Variants in PLEKHG3 observed in about 807,000 individuals in gnomAD.
PLEKHG3 encodes the protein pleckstrin homology and RhoGEF domain containing G3.
Under a neutral mutation model 94.9 loss-of-function variants are expected in PLEKHG3, and 62 were observed. That is an observed-to-expected ratio of 0.65 (90% confidence interval 0.53 to 0.81). The LOEUF (loss-of-function observed/expected upper bound fraction) is 0.81. Among genes scored for constraint, PLEKHG3 ranks in the 30% least tolerant of loss-of-function variants. The probability of loss-of-function intolerance (pLI) is 0.00; values close to 1 mark genes in which losing one functional copy is unlikely to be tolerated. For synonymous variants in PLEKHG3, 614 were observed against 654.0 expected, an observed-to-expected ratio of 0.94 and a Z score of 0.93; for missense variants, 1,461 against 1,619.3, an observed-to-expected ratio of 0.90 and a Z score of 1.68.
intron 13 of PLEKHG3, chr14:64,737,154 C>T: frequency 1.5e-6 from 1 of 646,864 alleles, no homozygotes. Flanking sequence ...ACCTGCGCTG[C>T]TCTGTGGCCC....
rs551418674 is a variant in PLEKHG3, at chr14:64,739,784, G to A, written c.1518+929G>A. ...AAGGAAGCTCCCTTGATCCTCATTT[G>A]TAAGGGATCTGACCCCACTCATGAG... On this transcript the variant is annotated intron_variant, in intron 15 of 16. Coordinates refer to ENST00000247226, the MANE Select transcript of PLEKHG3 (RefSeq NM_001308147.2). The surrounding 1 kb of genome is among the most constrained non-coding windows in gnomAD (Gnocchi z 4.1). Among the ~76,000 whole-genome samples, 1 of 152,286 alleles carries A rather than the reference G, an allele frequency of 6.6e-6. No homozygotes were observed. Among genetic ancestry groups the A allele is most frequent in the Non-Finnish European group, 1.5e-5 (1 of 68,018 alleles).
At position 64,741,132 on chromosome 14, in the gene PLEKHG3, G is replaced by A. The variant is rs375642666; in HGVS notation, c.1615G>A (p.Glu539Lys). 1.5e-5 allele frequency: 24 copies of A among 1,613,978 alleles called. No homozygotes were observed. In the African/African-American group the frequency reaches 3.1e-4, roughly 21 times the overall value. Residue 539 changes from glutamate (E) to lysine (K), a missense_variant, in exon 16 of 17, where the codon GAA (glutamate) becomes AAA (lysine). Around this residue, in one of 3 missense-constraint regions of PLEKHG3, gnomAD observed 1,201 missense variants for 1,295.5 expected, o/e 0.93. Coordinates refer to ENST00000247226, the MANE Select transcript of PLEKHG3 (RefSeq NM_001308147.2). ...GACGCCTTCAGACACAGAATCTCCA[G>A]AAGTCCTGGAGACACAGCTTGATGC... ...EETPSDTESPEVLETQLDAHQ... is the reference protein window; with the variant it reads ...EETPSDTESPKVLETQLDAHQ...
rs914797609 is a variant in PLEKHG3 at position 64,746,992 on chromosome 14, T to C, written c.*3289T>C. The C allele has an allele frequency of 3.3e-5, 5 of 152,490 alleles. No homozygotes were observed. Among genetic ancestry groups the C allele is most frequent in the Non-Finnish European group, 7.3e-5 (5 of 68,094 alleles). The allele number at this position is 152,490 out of a possible 1,614,324, so 9.4% of individuals were successfully genotyped here. A position where few individuals can be genotyped will look rare whatever the true frequency, so the allele number is the denominator to read the frequency against. On this transcript the variant is annotated 3_prime_UTR_variant, in exon 17 of 17. Transcript: ENST00000247226. This position sits in a 1 kb window ranked among gnomAD's most constrained non-coding sequence, Gnocchi z 4.9. ...CTGGATGCCTGCATTTTCAGTCTAG[T>C]TGGTCGAATGTCTTGGAGCCTGGGT... is the stretch of plus-strand genomic sequence containing the variant.
In PLEKHG3 at chr14:64,729,025, C is replaced by T. The variant is rs1022020541; in HGVS notation, c.381C>T (p.Pro127=). ...EDYLLKIIDT[P]GLLKPEQVSA... is the part of the protein sequence containing the mutation. ...ACCTCTTGAAGATCATTGACACACC[C>T]GGGCTGCTGAAGCCAGAACAGGTCA... Residue 127 remains proline, a synonymous_variant, in exon 3 of 17, where the codon CCC becomes CCT. Coordinates refer to ENST00000247226, the MANE Select transcript of PLEKHG3 (RefSeq NM_001308147.2). 9.8e-6 allele frequency: 15 copies of T among 1,523,782 alleles called. No individual in the cohort carries two copies. Among genetic ancestry groups the T allele is most frequent in the Admixed American group, 9.8e-5 (5 of 50,878 alleles). 94.4% of individuals were successfully genotyped at this position (1,523,782 alleles called of 1,614,324 possible).
chr14:64,704,550 G>C lies in PLEKHG3; in HGVS notation c.-194G>C, dbSNP rs1325747264. 6.5e-6 allele frequency: 1 copy of C among 153,330 alleles called. No homozygotes were observed. Among genetic ancestry groups the C allele is most frequent in the African/African-American group, 2.4e-5 (1 of 41,466 alleles). 9.5% of individuals were successfully genotyped at this position (153,330 alleles called of 1,614,324 possible). On this transcript the variant is annotated 5_prime_UTR_variant, in exon 1 of 17. Transcript: ENST00000247226. This position sits in a 1 kb window ranked among gnomAD's most constrained non-coding sequence, Gnocchi z 5.6. ...GGGGGCCGCGCTTGCAGCTGGCCGA[G>C]TCCGGGCCAGCTGAGGGGCTGGCGG...
At chr14:64,719,075 G>T (rs1233823710) in intron 1 of PLEKHG3, among the ~76,000 whole-genome samples, 3 of 152,150 alleles carry the variant, frequency 2.0e-5, no homozygotes, top group Admixed American at 2.0e-4. Context: ...CTCCTGTTGG[G>T]TATGGGTGTC....
intron 1 of PLEKHG3, among the ~76,000 whole-genome samples, chr14:64,709,908 A>G (rs2081041278): frequency 6.6e-6 from 1 of 152,222 alleles, no homozygotes; most frequent in African/African-American, 2.4e-5. Flanking sequence ...ACGAGACCTT[A>G]GGAATTAAGG....
chr14:64,709,964 T>A (rs2081042001), intron 1 of PLEKHG3, among the ~76,000 whole-genome samples: 1 of 152,120 alleles, frequency 6.6e-6, no homozygotes. Context: ...AGAATGTCCA[T>A]AAGATTCTAA....
rs2081327085 is a variant in PLEKHG3, at chr14:64,725,076, GAC to G, written c.-39-2515_-39-2514del. Among the ~76,000 whole-genome samples the G allele has an allele frequency of 1.3e-5, 2 of 152,178 alleles. No individual in the cohort carries two copies. The highest frequency in any genetic ancestry group is 6.5e-5 in the Admixed American group (1 of 15,284). On this transcript the variant is annotated intron_variant, in intron 1 of 16. Coordinates refer to ENST00000247226, the MANE Select transcript of PLEKHG3 (RefSeq NM_001308147.2). This position sits in a 1 kb window ranked among gnomAD's most constrained non-coding sequence, Gnocchi z 5.0. Reference sequence around the variant, plus strand: ...AGAGAAAACTTCTGTAAGTAGAAAAGACATATTAGTTTCTGGGTTTGAAGTGT... The same window carrying G: ...AGAGAAAACTTCTGTAAGTAGAAAAGATATTAGTTTCTGGGTTTGAAGTGT...
Position 64,717,112 on chromosome 14 carries a change from CGTGTGTGTGTGTGTGTGT to C in PLEKHG3, c.-39-10461_-39-10444del, listed in dbSNP as rs3063751. 1.5e-4 allele frequency among the ~76,000 whole-genome samples: 21 copies of C among 144,372 alleles called. No individual in the cohort carries two copies. Among genetic ancestry groups the C allele is most frequent in the African/African-American group, 3.1e-4 (12 of 38,728 alleles). The allele number at this position is 144,372 out of a possible 152,430, so 94.7% of individuals were successfully genotyped here. On this transcript the variant is annotated intron_variant, in intron 1 of 16. Transcript: ENST00000247226. The surrounding 1 kb of genome is among the most constrained non-coding windows in gnomAD (Gnocchi z 4.7). ...GGCTGGCCGCCTTTGGGAATTTACA[CGTGTGTGTGTGTGTGTGT>C]GTGTGTGTGTGTGTGTGTGAGTCCA... is the stretch of plus-strand genomic sequence containing the variant.
chr14:64,732,092 C>A lies in PLEKHG3; in HGVS notation c.1126-3C>A. On this transcript the variant is annotated splice_polypyrimidine_tract_variant and splice_region_variant and intron_variant, in intron 9 of 16. Coordinates refer to ENST00000247226, the MANE Select transcript of PLEKHG3 (RefSeq NM_001308147.2). This position sits in a 1 kb window ranked among gnomAD's most constrained non-coding sequence, Gnocchi z 4.9. Reference sequence around the variant, plus strand: ...TGGGTCCCTTTCCCTTGGGTCCTCCCAGGCCAAGACAGTGGAGGAGAAACG... The same window carrying A: ...TGGGTCCCTTTCCCTTGGGTCCTCCAAGGCCAAGACAGTGGAGGAGAAACG... 1 of 1,610,332 alleles carries A rather than the reference C, an allele frequency of 6.2e-7. No individual in the cohort carries two copies. The highest frequency in any genetic ancestry group is 2.2e-5 in the East Asian group (1 of 44,880).
rs779277166 is a variant in PLEKHG3 at position 64,750,121 on chromosome 14, G to A, written c.*6418G>A. The A allele has an allele frequency of 6.2e-7, 1 of 1,614,132 alleles. No homozygotes were observed. The highest frequency in any genetic ancestry group is 8.5e-7 in the Non-Finnish European group (1 of 1,180,000). On this transcript the variant is annotated 3_prime_UTR_variant, in exon 17 of 17. Coordinates refer to ENST00000247226, the MANE Select transcript of PLEKHG3 (RefSeq NM_001308147.2). ...CATCCTTGTAGAAGGTTAGCTCACTGTTCCTGAGCACACAGTACAGGTTGT... is the reference window on the plus strand; with the variant it reads ...CATCCTTGTAGAAGGTTAGCTCACTATTCCTGAGCACACAGTACAGGTTGT...
At chr14:64,707,927 G>T (rs2080998730) in intron 1 of PLEKHG3, among the ~76,000 whole-genome samples, 1 of 152,224 alleles carries the variant, frequency 6.6e-6, no homozygotes, top group Admixed American at 6.5e-5. Context: ...AATGTACAGT[G>T]AGATAACGTA....
chr14:64,740,907 C>G, intron 15 of PLEKHG3, 129 bp from the exon 16 acceptor site: 2 of 703,552 alleles, frequency 2.8e-6, no homozygotes, highest in Non-Finnish European at 4.8e-6. Context: ...CGTGCTCATT[C>G]TGATTGCCTT....
Position 64,730,943 on chromosome 14 carries a change from G to T in PLEKHG3, c.711G>T (p.Leu237=), listed in dbSNP as rs763718672. The change falls in exon 6 of 17, where the codon CTG becomes CTT. Residue 237 remains leucine, a synonymous_variant. Coordinates refer to ENST00000247226, the MANE Select transcript of PLEKHG3 (RefSeq NM_001308147.2). This position sits in a 1 kb window ranked among gnomAD's most constrained non-coding sequence, Gnocchi z 5.4. Reference sequence around the variant, plus strand: ...AGCGCATCCTCAAGTACCACCTGCTGCTCCAGGTAGCCCCTCGGTCCTCCC... The same window carrying T: ...AGCGCATCCTCAAGTACCACCTGCTTCTCCAGGTAGCCCCTCGGTCCTCCC... ...PVQRILKYHL[L]LQEIAKHFDE... The T allele has an allele frequency of 3.1e-6, 5 of 1,612,918 alleles. No individual in the cohort carries two copies. The highest frequency in any genetic ancestry group is 3.3e-5 in the Admixed American group (2 of 60,022).
rs375126728 is a variant in PLEKHG3, at chr14:64,743,134, G to A, written c.3091G>A (p.Gly1031Ser). The stretch of plus-strand genomic sequence containing the variant: ...CAGCCAGAGGACCACCTCGCCTGGG[G>A]GCCGGCCCTCCGCCCGGAGCCCCCT... ...AVSQRTTSPGGRPSARSPLSP... is the reference protein window; with the variant it reads ...AVSQRTTSPGSRPSARSPLSP... The change falls in exon 17 of 17, where the codon GGC (glycine) becomes AGC (serine). Residue 1031 changes from glycine (G) to serine (S), a missense_variant. Coordinates refer to ENST00000247226, the MANE Select transcript of PLEKHG3 (RefSeq NM_001308147.2). This position sits in a 1 kb window ranked among gnomAD's most constrained non-coding sequence, Gnocchi z 7.2. 17 of 1,611,708 alleles carry A rather than the reference G, an allele frequency of 1.1e-5. No individual in the cohort carries two copies. The African/African-American group carries it at 1.7e-4, about 16-fold the overall frequency.
chr14:64,737,669 G>C (rs1454469203), intron 14 of PLEKHG3, among the ~76,000 whole-genome samples: 2 of 152,222 alleles, frequency 1.3e-5, no homozygotes, highest in African/African-American at 4.8e-5. Flanking sequence ...GGCCTGTTTG[G>C]GTTCTGAAGT....
Position 64,743,724 on chromosome 14 carries a change from A to C in PLEKHG3, c.*21A>C, listed in dbSNP as rs777848852. 2.3e-5 allele frequency: 35 copies of C among 1,516,970 alleles called. No homozygotes were observed. The Middle Eastern group carries it at 5.3e-4, about 23-fold the overall frequency. The allele number at this position is 1,516,970 out of a possible 1,614,324, so 94.0% of individuals were successfully genotyped here. Reference sequence around the variant, plus strand: ...GTTGATGCTGACTCCTGGGGGAGGGAGGAGTCATGTTGGAGGTTGGGGAAG... The same window carrying C: ...GTTGATGCTGACTCCTGGGGGAGGGCGGAGTCATGTTGGAGGTTGGGGAAG... On this transcript the variant is annotated 3_prime_UTR_variant, in exon 17 of 17. Transcript: ENST00000247226. The surrounding 1 kb of genome is among the most constrained non-coding windows in gnomAD (Gnocchi z 7.2).
In PLEKHG3 at chr14:64,732,579, C is replaced by G. The variant is rs1376921368; in HGVS notation, c.1246+119C>G. 8 of 927,670 alleles carry G rather than the reference C, an allele frequency of 8.6e-6. No individual in the cohort carries two copies. Among genetic ancestry groups the G allele is most frequent in the Non-Finnish European group, 1.4e-5 (8 of 563,024 alleles). 57.5% of individuals were successfully genotyped at this position (927,670 alleles called of 1,614,324 possible). On this transcript the variant is annotated intron_variant, in intron 11 of 16. Transcript: ENST00000247226. This position sits in a 1 kb window ranked among gnomAD's most constrained non-coding sequence, Gnocchi z 4.9. The stretch of plus-strand genomic sequence containing the variant: ...CCAGGAGCAGGGAGGGCGGGGGTCT[C>G]CTGTTAAGGGCTGGGGGGTGAACTA...
Sources: allele counts gnomAD v4.1 joint callset (sites outside exome capture counted in the v4.1 genomes callset), GRCh38; gene constraint gnomAD v4.1.1; regional missense constraint gnomAD v4.1.1; non-coding constraint Gnocchi (gnomAD v3.1); transcripts MANE v1.5; gene names NCBI Gene and HGNC (gene_info 2026-07-23, HGNC 2026-07-21).